Variants in ALDH1A2 observed in about 807,000 individuals in gnomAD.
ALDH1A2 encodes the protein aldehyde dehydrogenase 1 family member A2.
Under a neutral mutation model 60.3 loss-of-function variants are expected in ALDH1A2, and 27 were observed. The observed-to-expected ratio is 0.45, with a 90% CI of 0.33 to 0.62. ALDH1A2 has a LOEUF of 0.62. Among genes scored for constraint, ALDH1A2 ranks in the 20% least tolerant of loss-of-function variants. The pLI, the probability that ALDH1A2 is intolerant of heterozygous loss-of-function variation, is 0.02. For missense variants in ALDH1A2, 581 were observed against 643.8 expected, an observed-to-expected ratio of 0.90 and a Z score of 1.06; for synonymous variants, 289 against 232.4, an observed-to-expected ratio of 1.24 and a Z score of -2.21.
At chr15:57,976,666 G>C (rs546814423) in intron 7 of ALDH1A2, among the ~76,000 whole-genome samples, 5 of 152,208 alleles carry the variant, frequency 3.3e-5, no homozygotes, top group African/African-American at 1.2e-4. Flanking sequence ...GTCTATCATC[G>C]ATGGGCATCT....
chr15:57,992,415 T>C (rs1232485861), intron 7 of ALDH1A2, among the ~76,000 whole-genome samples: 1 of 152,226 alleles, frequency 6.6e-6, no homozygotes, highest in African/African-American at 2.4e-5. Flanking sequence ...TCCAGCTTCT[T>C]AACTTGCTTC....
intron 1 of ALDH1A2, among the ~76,000 whole-genome samples, chr15:58,023,733 G>T (rs373936427): frequency 1.3e-4 from 20 of 151,198 alleles, no homozygotes; most frequent in African/African-American, 4.1e-4. Flanking sequence ...GGGCGAAATA[G>T]ACTGATTCCC....
At chr15:57,997,482 A>AAAATTGG (rs1340269430) in intron 4 of ALDH1A2, among the ~76,000 whole-genome samples, 1 of 151,928 alleles carries the variant, frequency 6.6e-6, no homozygotes. Flanking sequence ...GCTGAGGAAA[A>AAAATTGG]AAATTGGAAG....
intron 1 of ALDH1A2, among the ~76,000 whole-genome samples, chr15:58,021,486 G>T (rs559509942): frequency 6.6e-6 from 1 of 152,110 alleles, no homozygotes; most frequent in African/African-American, 2.4e-5. Context: ...CATCCCCACC[G>T]TGGAATTGTG....
intron 1 of ALDH1A2, among the ~76,000 whole-genome samples, chr15:58,029,435 G>A (rs1566954237): frequency 6.6e-6 from 1 of 152,118 alleles, no homozygotes. Flanking sequence ...GCCCACAAGA[G>A]AAAGCAGGAA....
intron 1 of ALDH1A2, among the ~76,000 whole-genome samples, chr15:58,046,841 T>C (rs1213128325): frequency 1.3e-5 from 2 of 152,058 alleles, no homozygotes; most frequent in Non-Finnish European, 2.9e-5. Flanking sequence ...ATCATGTTTC[T>C]AGAAAAAGTA....
chr15:57,961,996 A>T lies in ALDH1A2; in HGVS notation c.1251+16T>A. The T allele has an allele frequency of 6.2e-7, 1 of 1,614,140 alleles. No homozygotes were observed. The highest frequency in any genetic ancestry group is 8.5e-7 in the Non-Finnish European group (1 of 1,179,978). On this transcript the variant is annotated intron_variant, in intron 10 of 12. Coordinates refer to ENST00000249750, the MANE Select transcript of ALDH1A2 (RefSeq NM_003888.4). ...CAAGAAAGATGTGGCTTTTGTAAGA[A>T]CAGCATATTTGATACCTCCTCCTTG...
intron 1 of ALDH1A2, among the ~76,000 whole-genome samples, chr15:58,044,942 T>A (rs1896601422): frequency 6.6e-6 from 1 of 151,890 alleles, no homozygotes; most frequent in South Asian, 2.1e-4. Flanking sequence ...AATCTCGGTA[T>A]CCCAGACTGA....
intron 4 of ALDH1A2, among the ~76,000 whole-genome samples, chr15:57,995,971 T>C (rs35471353): frequency 2.6e-5 from 4 of 152,264 alleles, no homozygotes; most frequent in East Asian, 1.9e-4. Context: ...TTTTAGCAGA[T>C]AGCTTTTCAT....
At chr15:58,017,641 C>T (rs749321865) in intron 1 of ALDH1A2, among the ~76,000 whole-genome samples, 7 of 152,026 alleles carry the variant, frequency 4.6e-5, no homozygotes, top group Non-Finnish European at 7.4e-5. Context: ...GGTTCATATA[C>T]GACAGCTCAT....
chr15:58,025,737 A>G (rs1205580453), intron 1 of ALDH1A2, among the ~76,000 whole-genome samples: 1 of 152,264 alleles, frequency 6.6e-6, no homozygotes, highest in African/African-American at 2.4e-5. Flanking sequence ...TATGAGAAGT[A>G]GGGTGCCAGC....
chr15:58,028,885 C>T (rs1480678975), intron 1 of ALDH1A2, among the ~76,000 whole-genome samples: 1 of 152,100 alleles, frequency 6.6e-6, no homozygotes, highest in Non-Finnish European at 1.5e-5. Flanking sequence ...TACAGGAGCA[C>T]CCAGACTCAT....
intron 1 of ALDH1A2, among the ~76,000 whole-genome samples, chr15:58,028,942 A>G (rs905669898): frequency 3.9e-5 from 6 of 152,156 alleles, no homozygotes; most frequent in Non-Finnish European, 7.3e-5. Context: ...CTCCCACACA[A>G]TAATAATGGG....
intron 1 of ALDH1A2, among the ~76,000 whole-genome samples, chr15:58,042,981 TTTATAAGGGGATACCC>T (rs1458245248): frequency 6.6e-6 from 1 of 151,994 alleles, no homozygotes; most frequent in South Asian, 2.1e-4. Context: ...TAGGGGCTTA[TTTATAAGGGGATACCC>T]TTATAAAAGT....
chr15:58,055,745 T>C (rs747729843), intron 1 of ALDH1A2, among the ~76,000 whole-genome samples: 1 of 152,070 alleles, frequency 6.6e-6, no homozygotes, highest in Non-Finnish European at 1.5e-5. Flanking sequence ...AAGGTAAATA[T>C]ATACACCAGC....
chr15:57,973,220 T>A (rs1293625345), intron 7 of ALDH1A2, among the ~76,000 whole-genome samples: 3 of 152,246 alleles, frequency 2.0e-5, no homozygotes, highest in African/African-American at 7.2e-5. Context: ...AAGTTGTTTA[T>A]TGACTTGTGT....
At chr15:57,965,972 TA>T in intron 7 of ALDH1A2, 145 bp from the exon 8 acceptor site, 1 of 706,206 alleles carries the variant, frequency 1.4e-6, no homozygotes, top group East Asian at 2.7e-5. Context: ...CAGCTTGGGT[TA>T]CAAGATGTAA....
At chr15:58,022,797 A>C (rs188328875) in intron 1 of ALDH1A2, among the ~76,000 whole-genome samples, 261 of 152,294 alleles carry the variant, frequency 1.7e-3, no homozygotes, top group Non-Finnish European at 2.6e-3. Flanking sequence ...CACTGCATCC[A>C]CCCAGAATCA....
chr15:58,012,592 T>C (rs1895664863), intron 3 of ALDH1A2, among the ~76,000 whole-genome samples: 2 of 152,194 alleles, frequency 1.3e-5, no homozygotes, highest in Admixed American at 1.3e-4. Flanking sequence ...AACACCTTTT[T>C]CACAGTATGA....
Sources: gnomAD v4.1 joint callset for allele counts (sites outside exome capture counted in the v4.1 genomes callset) on GRCh38, gnomAD v4.1.1 for gene constraint, MANE v1.5 for transcripts, NCBI Gene and HGNC (gene_info 2026-07-23, HGNC 2026-07-21) for gene names.